The following XKR6 variants were observed in gnomAD, a reference collection of about 807,000 sequenced individuals.
XKR6 encodes XK related 6.
XKR6 carries 22 observed loss-of-function variants against 56.7 expected under a neutral mutation model. The ratio of observed to expected loss-of-function variants is 0.39; its 90% CI spans 0.28 to 0.55. XKR6 has a LOEUF of 0.55. Ranked by LOEUF, XKR6 falls within the 20% of genes least tolerant of loss-of-function variation. The probability of loss-of-function intolerance (pLI) is 0.66; values close to 1 mark genes in which losing one functional copy is unlikely to be tolerated. For synonymous variants in XKR6, 524 were observed against 387.8 expected, an observed-to-expected ratio of 1.35 and a Z score of -4.13; for missense variants, 852 against 889.0, an observed-to-expected ratio of 0.96 and a Z score of 0.53.
chr8:10,900,347 G>A (rs1040964661), intron 2 of XKR6, among the ~76,000 whole-genome samples: 15 of 152,080 alleles, frequency 9.9e-5, no homozygotes, highest in Non-Finnish European at 1.5e-4. Flanking sequence ...ACAACTCTCC[G>A]AAGCCCGATG....
At chr8:11,004,985 G>C (rs941985352) in intron 1 of XKR6, among the ~76,000 whole-genome samples, 9 of 152,162 alleles carry the variant, frequency 5.9e-5, no homozygotes, top group African/African-American at 2.2e-4. Context: ...ACCAAGAGTA[G>C]TCAAATTCAT....
At chr8:11,191,974 G>A (rs1249899869) in intron 1 of XKR6, among the ~76,000 whole-genome samples, 3 of 152,098 alleles carry the variant, frequency 2.0e-5, no homozygotes, top group South Asian at 2.1e-4. Flanking sequence ...GTATTTAGAG[G>A]TGCAACATCA....
chr8:11,193,682 A>G (rs1363554252), intron 1 of XKR6, among the ~76,000 whole-genome samples: 1 of 151,842 alleles, frequency 6.6e-6, no homozygotes. Flanking sequence ...CTAACTTTTC[A>G]AAGTTAAAGA....
At chr8:11,055,445 G>A (rs1316600150) in intron 1 of XKR6, among the ~76,000 whole-genome samples, 1 of 152,196 alleles carries the variant, frequency 6.6e-6, no homozygotes, top group Non-Finnish European at 1.5e-5. Context: ...AGGGCTCAGG[G>A]GAGCCTGCCT....
chr8:10,993,131 T>G (rs1177115800), intron 1 of XKR6, among the ~76,000 whole-genome samples: 1 of 152,238 alleles, frequency 6.6e-6, no homozygotes, highest in Non-Finnish European at 1.5e-5. Context: ...ACGGAGGGCT[T>G]TTACTATTTT....
At chr8:11,114,727 A>ATATGTGTGTGTGTG (rs781375847) in intron 1 of XKR6, among the ~76,000 whole-genome samples, 1 of 118,370 alleles carries the variant, frequency 8.4e-6, no homozygotes. Flanking sequence ...TAGATCACAT[A>ATATGTGTGTGTGTG]TGTGTGTGTG....
chr8:11,036,919 G>A (rs1037142251), intron 1 of XKR6, among the ~76,000 whole-genome samples: 10 of 152,230 alleles, frequency 6.6e-5, no homozygotes, highest in Non-Finnish European at 1.2e-4. Flanking sequence ...ACACTGGCTT[G>A]AGCTAGAACC....
At chr8:11,190,897 T>C (rs571746779) in intron 1 of XKR6, among the ~76,000 whole-genome samples, 2 of 152,196 alleles carry the variant, frequency 1.3e-5, no homozygotes, top group South Asian at 2.1e-4. Flanking sequence ...TGAGACTATA[T>C]ATATAAACAG....
chr8:11,087,321 C>T (rs1223787896), intron 1 of XKR6, among the ~76,000 whole-genome samples: 3 of 152,236 alleles, frequency 2.0e-5, no homozygotes, highest in East Asian at 1.9e-4. Flanking sequence ...TCCTTGCTAA[C>T]AGGACCCTGA....
rs570649409 is a variant in XKR6, at chr8:10,995,519, C to A, written c.765-70689G>T. ...ATATATACACACACACATATACACA[C>A]ACACACATATATATATAAATTAGCC... On this transcript the variant is annotated intron_variant, in intron 1 of 2. Transcript: ENST00000416569. Among the ~76,000 whole-genome samples the A allele has an allele frequency of 3.4e-5, 5 of 147,978 alleles. 1 individual carries two copies. The highest frequency in any genetic ancestry group is 3.6e-3 in the Middle Eastern group (1 of 280).
At chr8:10,923,778 G>T (rs1800793587) in intron 2 of XKR6, among the ~76,000 whole-genome samples, 1 of 152,212 alleles carries the variant, frequency 6.6e-6, no homozygotes, top group South Asian at 2.1e-4. Flanking sequence ...AGACCAGGAG[G>T]TACTGCTGGC....
chr8:11,147,585 G>A (rs1249650858), intron 1 of XKR6, among the ~76,000 whole-genome samples: 2 of 151,664 alleles, frequency 1.3e-5, no homozygotes, highest in African/African-American at 4.8e-5. Flanking sequence ...GAACCTGGGA[G>A]GCGGAGGTTG....
intron 1 of XKR6, among the ~76,000 whole-genome samples, chr8:10,937,751 T>C (rs1317645612): frequency 1.9e-4 from 28 of 150,282 alleles, no homozygotes; most frequent in South Asian, 4.3e-4. Flanking sequence ...GGAGGCAGTC[T>C]GCCCGTTCTC....
chr8:11,009,172 C>G (rs1161540456), intron 1 of XKR6, among the ~76,000 whole-genome samples: 2 of 151,950 alleles, frequency 1.3e-5, no homozygotes, highest in African/African-American at 2.4e-5. Context: ...AATCAAGTTC[C>G]GTGTGTGTAA....
At chr8:10,932,895 T>A (rs1253689705) in intron 1 of XKR6, among the ~76,000 whole-genome samples, 1 of 141,482 alleles carries the variant, frequency 7.1e-6, no homozygotes, top group East Asian at 2.0e-4. Context: ...TACGTGTGCA[T>A]GTGTCTTTAT....
intron 1 of XKR6, among the ~76,000 whole-genome samples, chr8:11,178,133 G>C (rs541108216): frequency 1.3e-5 from 2 of 152,220 alleles, no homozygotes; most frequent in South Asian, 4.1e-4. Context: ...CCACACCATG[G>C]AGAAACAGCT....
intron 1 of XKR6, among the ~76,000 whole-genome samples, chr8:11,122,071 GA>G (rs1460099898): frequency 2.4e-4 from 36 of 152,198 alleles, no homozygotes; most frequent in Admixed American, 2.4e-3. Context: ...TAAAGTGAGT[GA>G]TAATCAATTG....
At chr8:11,007,662 GAAAC>G (rs969150573) in intron 1 of XKR6, among the ~76,000 whole-genome samples, 19 of 152,084 alleles carry the variant, frequency 1.2e-4, no homozygotes, top group Non-Finnish European at 2.5e-4. Flanking sequence ...GAAGAGGCAG[GAAAC>G]AAACAAACAA....
Position 11,176,051 on chromosome 8 carries a change from T to C in XKR6, c.764+24525A>G, listed in dbSNP as rs550588099. Among the ~76,000 whole-genome samples the C allele has an allele frequency of 1.3e-4, 20 of 152,300 alleles. No individual in the cohort carries two copies. In the South Asian group the frequency reaches 2.9e-3, roughly 22 times the overall value. On this transcript the variant is annotated intron_variant, in intron 1 of 2. Coordinates refer to ENST00000416569, the MANE Select transcript of XKR6 (RefSeq NM_173683.4). ...CACTACTCTGTGGGTGTAAAGCAAATGACCTTGTGAAACTCATTTTACAAG... is the reference window on the plus strand; with the variant it reads ...CACTACTCTGTGGGTGTAAAGCAAACGACCTTGTGAAACTCATTTTACAAG...
Sources: allele counts gnomAD v4.1 joint callset (sites outside exome capture counted in the v4.1 genomes callset), GRCh38; gene constraint gnomAD v4.1.1; transcripts MANE v1.5; gene names NCBI Gene and HGNC (gene_info 2026-07-23, HGNC 2026-07-21).